PSD3: variants seen among roughly 807,000 people sequenced by gnomAD.
The protein encoded by PSD3 is pleckstrin and Sec7 domain containing 3.
In PSD3, 49 loss-of-function variants were observed where a neutral mutation model predicts 105.5. The observed-to-expected ratio is 0.46, with a 90% CI of 0.37 to 0.59. The LOEUF (loss-of-function observed/expected upper bound fraction) is 0.59, where lower values mean the gene tolerates loss of function less well. Ranked by LOEUF, PSD3 falls within the 20% of genes least tolerant of loss-of-function variation. The pLI is 0.00. For synonymous variants in PSD3, 557 were observed against 457.8 expected (o/e 1.22, Z -2.77); for missense variants, 1,561 against 1,263.8 (o/e 1.24, Z -3.57).
intron 1 of PSD3, among the ~76,000 whole-genome samples, chr8:19,065,857 G>C (rs1273450498): frequency 6.6e-6 from 1 of 152,128 alleles, no homozygotes. Context: ...GAGGCTAGGG[G>C]GTGGGGCTGA....
At chr8:18,864,489 A>G (rs1362537570) in intron 4 of PSD3, among the ~76,000 whole-genome samples, 1 of 152,212 alleles carries the variant, frequency 6.6e-6, no homozygotes, top group East Asian at 1.9e-4. Context: ...GCTAGCGACT[A>G]ACACTTTATA....
intron 9 of PSD3, among the ~76,000 whole-genome samples, chr8:18,678,713 G>A (rs954969385): frequency 4.6e-5 from 7 of 152,050 alleles, no homozygotes; most frequent in African/African-American, 1.7e-4. Context: ...TTGGGAGGCC[G>A]AGGCAGGGGA....
At chr8:18,563,518 G>C (rs780056222) in intron 14 of PSD3, among the ~76,000 whole-genome samples, 1 of 152,028 alleles carries the variant, frequency 6.6e-6, no homozygotes, top group African/African-American at 2.4e-5. Context: ...ACAGAATTTA[G>C]AATACAGAAC....
intron 10 of PSD3, among the ~76,000 whole-genome samples, chr8:18,646,633 A>G (rs1446022980): frequency 6.6e-5 from 10 of 152,178 alleles, no homozygotes; most frequent in Admixed American, 6.5e-4. Flanking sequence ...GCGACAAATT[A>G]TATTAAAAAG....
intron 10 of PSD3, among the ~76,000 whole-genome samples, chr8:18,653,439 T>C (rs181841040): frequency 7.0e-4 from 107 of 152,282 alleles, no homozygotes; most frequent in African/African-American, 2.4e-3. Context: ...ACTTGCTTTA[T>C]GTTCAGTGTT....
chr8:18,547,228 G>C (rs1800502492), intron 15 of PSD3, among the ~76,000 whole-genome samples: 1 of 152,156 alleles, frequency 6.6e-6, no homozygotes, highest in Non-Finnish European at 1.5e-5. Flanking sequence ...AGTGGATCTG[G>C]TTTCAAGGTG....
chr8:18,632,594 G>A lies in PSD3; in HGVS notation c.2410+19C>T, dbSNP rs943673433. 3.8e-6 allele frequency: 6 copies of A among 1,582,654 alleles called. No homozygotes were observed. The highest frequency in any genetic ancestry group is 5.1e-6 in the Non-Finnish European group (6 of 1,167,048). On this transcript the variant is annotated intron_variant, in intron 11 of 15. Coordinates refer to ENST00000327040, the MANE Select transcript of PSD3 (RefSeq NM_015310.4). ...AGATAAAATAAATGAAATAGAAAATGACAACGCATGATACTTACTCTTCTT... is the reference window on the plus strand; with the variant it reads ...AGATAAAATAAATGAAATAGAAAATAACAACGCATGATACTTACTCTTCTT...
intron 9 of PSD3, among the ~76,000 whole-genome samples, chr8:18,693,754 C>A (rs554735542): frequency 6.6e-6 from 1 of 152,322 alleles, no homozygotes; most frequent in East Asian, 1.9e-4. Context: ...TGGTTCAAGT[C>A]TATTTTTCTA....
chr8:18,871,897 CA>C lies in PSD3; in HGVS notation c.966del (p.Phe322LeufsTer35). 6.2e-7 allele frequency: 1 copy of C among 1,614,206 alleles called. No individual in the cohort carries two copies. The highest frequency in any genetic ancestry group is 8.5e-7 in the Non-Finnish European group (1 of 1,180,032). On this transcript the variant is annotated frameshift_variant, in exon 3 of 16. Coordinates refer to ENST00000327040, the MANE Select transcript of PSD3 (RefSeq NM_015310.4). LOFTEE classifies it high-confidence loss of function. ...DKRETQHPIDFETSLQRTASP... is the reference protein window; with the variant it reads ...DKRETQHPIDXETSLQRTASP... ...GAGGCTGTTCTTTGCAGTGATGTCTCAAAATCTATAGGATGCTGGGTCTCTC... is the reference window on the plus strand; with the variant it reads ...GAGGCTGTTCTTTGCAGTGATGTCTCAAATCTATAGGATGCTGGGTCTCTC...
At chr8:18,921,323 A>C (rs987245873) in intron 2 of PSD3, among the ~76,000 whole-genome samples, 1 of 152,206 alleles carries the variant, frequency 6.6e-6, no homozygotes, top group African/African-American at 2.4e-5. Flanking sequence ...TCTCAAGTAA[A>C]TTATCTTTTA....
intron 1 of PSD3, among the ~76,000 whole-genome samples, chr8:19,032,082 C>T (rs919673653): frequency 6.6e-6 from 1 of 152,084 alleles, no homozygotes; most frequent in East Asian, 1.9e-4. Context: ...GCGAGGGGAC[C>T]AACACAGGAT....
At chr8:18,793,224 T>C (rs1809892256) in intron 8 of PSD3, among the ~76,000 whole-genome samples, 1 of 151,900 alleles carries the variant, frequency 6.6e-6, no homozygotes, top group African/African-American at 2.4e-5. Flanking sequence ...CTAATGTAAA[T>C]GACAAGTTAA....
At chr8:18,912,388 G>C (rs563274564) in intron 2 of PSD3, among the ~76,000 whole-genome samples, 10 of 152,192 alleles carry the variant, frequency 6.6e-5, no homozygotes, top group African/African-American at 9.6e-5. Flanking sequence ...AGTCCACCAG[G>C]GGGCAGTGTT....
chr8:19,063,572 T>A (rs956564556), intron 1 of PSD3, among the ~76,000 whole-genome samples: 1 of 152,172 alleles, frequency 6.6e-6, no homozygotes, highest in Non-Finnish European at 1.5e-5. Context: ...GTTGGGCAGA[T>A]GAATGAATGT....
upstream of PSD3, chr8:19,013,743 G>C: frequency 2.2e-6 from 1 of 454,668 alleles, no homozygotes; most frequent in Non-Finnish European, 3.1e-6. Flanking sequence ...GGAGGCTGGC[G>C]AGGCTGCGAG....
intron 10 of PSD3, among the ~76,000 whole-genome samples, chr8:18,635,260 C>G (rs577450300): frequency 6.6e-6 from 1 of 152,244 alleles, no homozygotes; most frequent in South Asian, 2.1e-4. Flanking sequence ...AAATCAACCA[C>G]TTCTCCAAGG....
At chr8:18,880,041 A>G (rs1439565471) in intron 2 of PSD3, among the ~76,000 whole-genome samples, 1 of 152,158 alleles carries the variant, frequency 6.6e-6, no homozygotes, top group African/African-American at 2.4e-5. Flanking sequence ...ATTTCCTTTC[A>G]AATAAGGCAC....
chr8:18,644,962 C>T (rs970807151), intron 10 of PSD3, among the ~76,000 whole-genome samples: 6 of 152,222 alleles, frequency 3.9e-5, no homozygotes, highest in Non-Finnish European at 7.3e-5. Context: ...CTAACCCCCA[C>T]CTGCTCTCTT....
intron 8 of PSD3, among the ~76,000 whole-genome samples, chr8:18,782,603 G>A (rs898525558): frequency 2.0e-5 from 3 of 152,194 alleles, no homozygotes; most frequent in Non-Finnish European, 2.9e-5. Context: ...AACACACGTG[G>A]ATATTGGTAA....
Sources: allele counts gnomAD v4.1 joint callset (sites outside exome capture counted in the v4.1 genomes callset), GRCh38; gene constraint gnomAD v4.1.1; transcripts MANE v1.5; gene names NCBI Gene and HGNC (gene_info 2026-07-23, HGNC 2026-07-21).